IREB2: variants seen among roughly 807,000 people sequenced by gnomAD.
The protein encoded by IREB2 is iron responsive element binding protein 2.
In IREB2, 39 loss-of-function variants were observed where a neutral mutation model predicts 118.8. The observed-to-expected ratio is 0.33, with a 90% CI of 0.25 to 0.43. IREB2 has a LOEUF of 0.43. Among genes scored for constraint, IREB2 ranks in the 20% least tolerant of loss-of-function variants. IREB2 has a pLI of 1.00. For synonymous variants in IREB2, 372 were observed against 392.2 expected (o/e 0.95, Z 0.61); for missense variants, 900 against 1,147.3 (o/e 0.78, Z 3.11).
At chr15:78,439,444 T>C (rs1375817010) in intron 1 of IREB2, among the ~76,000 whole-genome samples, 1 of 152,334 alleles carries the variant, frequency 6.6e-6, no homozygotes, top group East Asian at 1.9e-4. Context: ...TCATTCTTAT[T>C]GTCCCTTTCC....
chr15:78,474,666 C>A (rs2051434551), intron 8 of IREB2: 1 of 151,984 alleles, frequency 6.6e-6, no homozygotes, highest in Admixed American at 6.6e-5. Flanking sequence ...GATCCTGTTC[C>A]ATTTGTGATC....
intron 10 of IREB2, among the ~76,000 whole-genome samples, chr15:78,483,014 C>G (rs1334847498): frequency 2.6e-5 from 4 of 152,158 alleles, no homozygotes; most frequent in African/African-American, 9.7e-5. Context: ...GCTGGGATTA[C>G]AGGTGTGAGC....
chr15:78,453,595 A>G (rs959263534), intron 2 of IREB2, among the ~76,000 whole-genome samples: 4 of 152,224 alleles, frequency 2.6e-5, no homozygotes, highest in African/African-American at 7.2e-5. Context: ...CAAAACTCCT[A>G]TAGAGAAGTT....
At chr15:78,491,673 T>C (rs1039052585) in intron 18 of IREB2, among the ~76,000 whole-genome samples, 1 of 152,046 alleles carries the variant, frequency 6.6e-6, no homozygotes, top group Non-Finnish European at 1.5e-5. Context: ...AGTTTTTATA[T>C]TTTTAGTAGA....
At chr15:78,472,195 A>G (rs2051391640) in intron 7 of IREB2, among the ~76,000 whole-genome samples, 2 of 152,130 alleles carry the variant, frequency 1.3e-5, no homozygotes, top group African/African-American at 4.8e-5. Flanking sequence ...TACGTCTACA[A>G]AGTTTGCTTC....
chr15:78,484,526 G>C (rs976521573), intron 11 of IREB2, among the ~76,000 whole-genome samples: 1 of 152,108 alleles, frequency 6.6e-6, no homozygotes, highest in African/African-American at 2.4e-5. Context: ...GGCTGGACTC[G>C]CTTAGTAGAT....
At chr15:78,488,133 A>G (rs1383620845) in intron 14 of IREB2, 47 bp from the exon 15 acceptor site, 12 of 1,548,148 alleles carry the variant, frequency 7.8e-6, no homozygotes, top group Admixed American at 1.9e-5. Context: ...GATTTGTACC[A>G]TCTCTAGAAT....
In IREB2 at chr15:78,473,230, T is replaced by G; in HGVS notation, c.884-12T>G. The G allele has an allele frequency of 2.5e-6, 4 of 1,611,950 alleles. No individual in the cohort carries two copies. Among genetic ancestry groups the G allele is most frequent in the Non-Finnish European group, 3.4e-6 (4 of 1,178,616 alleles). ...ATATACTGTGCTAATATACCTGTCTTTATTACGTTAGGGGTTGGAGGCATT... is the reference window on the plus strand; with the variant it reads ...ATATACTGTGCTAATATACCTGTCTGTATTACGTTAGGGGTTGGAGGCATT... On this transcript the variant is annotated splice_polypyrimidine_tract_variant and intron_variant, in intron 7 of 21. Transcript: ENST00000258886.
intron 2 of IREB2, among the ~76,000 whole-genome samples, chr15:78,461,534 C>T (rs1242360438): frequency 6.6e-6 from 1 of 152,134 alleles, no homozygotes; most frequent in Admixed American, 6.5e-5. Flanking sequence ...TTTTAACATA[C>T]TTTGAGCCTT....
intron 2 of IREB2, among the ~76,000 whole-genome samples, chr15:78,447,965 G>A (rs2050959605): frequency 6.6e-6 from 1 of 152,192 alleles, no homozygotes; most frequent in African/African-American, 2.4e-5. Flanking sequence ...ATGCCAGGAT[G>A]GCAAGGCTAC....
chr15:78,460,552 A>G (rs2051179657), intron 2 of IREB2, among the ~76,000 whole-genome samples: 1 of 152,216 alleles, frequency 6.6e-6, no homozygotes, highest in South Asian at 2.1e-4. Flanking sequence ...GGTTTCGGAC[A>G]CAAGATATCC....
At chr15:78,461,974 TG>T (rs949404231) in intron 2 of IREB2, among the ~76,000 whole-genome samples, 26 of 152,314 alleles carry the variant, frequency 1.7e-4, no homozygotes, top group African/African-American at 6.3e-4. Flanking sequence ...TTAGTTTTTT[TG>T]TTTATCCTTT....
At chr15:78,484,014 A>T (rs141931998) in intron 11 of IREB2, among the ~76,000 whole-genome samples, 235 of 151,990 alleles carry the variant, frequency 1.5e-3, no homozygotes, top group African/African-American at 5.4e-3. Flanking sequence ...TCAACTCCTG[A>T]CCTCAAGTGA....
In IREB2 at chr15:78,454,520, G is replaced by A. The variant is rs527248954; in HGVS notation, c.107-8402G>A. Reference sequence around the variant, plus strand: ...TTGGGTTAGAGAGGAGGGGGAGAGGGATTAACAGTAAATAGGCATGAGAGA... The same window carrying A: ...TTGGGTTAGAGAGGAGGGGGAGAGGAATTAACAGTAAATAGGCATGAGAGA... On this transcript the variant is annotated intron_variant, in intron 2 of 21. Coordinates refer to ENST00000258886, the MANE Select transcript of IREB2 (RefSeq NM_004136.4). Among the ~76,000 whole-genome samples, 12 of 152,216 alleles carry A rather than the reference G, an allele frequency of 7.9e-5. 1 individual carries two copies. The South Asian group carries it at 2.5e-3, about 32-fold the overall frequency.
chr15:78,486,362 T>C (rs1228047756), intron 13 of IREB2, among the ~76,000 whole-genome samples: 2 of 152,220 alleles, frequency 1.3e-5, no homozygotes, highest in East Asian at 1.9e-4. Context: ...ATCCCAGCAC[T>C]TGGGGAGGCC....
Position 78,501,109 on chromosome 15 carries a change from TG to T in IREB2, c.*2968del, listed in dbSNP as rs2051936915. On this transcript the variant is annotated 3_prime_UTR_variant, in exon 22 of 22. Transcript: ENST00000258886. Reference sequence around the variant, plus strand: ...ACTGGATGTTTATCCTATCTTAGTTTGGTTGGAGTAATAAGAGAGAAGAAGA... The same window carrying T: ...ACTGGATGTTTATCCTATCTTAGTTTGTTGGAGTAATAAGAGAGAAGAAGA... The T allele has an allele frequency of 6.6e-6, 1 of 152,200 alleles. No homozygotes were observed. Among genetic ancestry groups the T allele is most frequent in the African/African-American group, 2.4e-5 (1 of 41,446 alleles). The allele number at this position is 152,200 out of a possible 1,614,324, so 9.4% of individuals were successfully genotyped here.
At chr15:78,495,719 T>TA (rs925215520) in intron 20 of IREB2, among the ~76,000 whole-genome samples, 3 of 151,864 alleles carry the variant, frequency 2.0e-5, no homozygotes, top group Non-Finnish European at 4.4e-5. Context: ...AAAAAATGAG[T>TA]AAAAAAGAAC....
At chr15:78,486,480 C>T (rs1596011189) in intron 13 of IREB2, among the ~76,000 whole-genome samples, 1 of 152,202 alleles carries the variant, frequency 6.6e-6, no homozygotes, top group East Asian at 1.9e-4. Context: ...TGACGCACAC[C>T]CATAGTCCCA....
intron 8 of IREB2, chr15:78,475,603 T>TG (rs1442658245): frequency 6.6e-6 from 1 of 152,086 alleles, no homozygotes; most frequent in Non-Finnish European, 1.5e-5. Flanking sequence ...CTCACACCTG[T>TG]GGGACGCCAA....
Sources: gnomAD v4.1 joint callset for allele counts (sites outside exome capture counted in the v4.1 genomes callset) on GRCh38, gnomAD v4.1.1 for gene constraint, MANE v1.5 for transcripts, NCBI Gene and HGNC (gene_info 2026-07-23, HGNC 2026-07-21) for gene names.